CNTNAP4: variants seen among roughly 807,000 people sequenced by gnomAD.
CNTNAP4 encodes the protein contactin associated protein family member 4.
A neutral mutation model predicts 148.4 loss-of-function variants in CNTNAP4; 98 were observed. The observed-to-expected ratio is 0.66, with a 90% CI of 0.56 to 0.78. CNTNAP4 has a LOEUF of 0.78. CNTNAP4 is among the 30% of genes least tolerant of loss of function. CNTNAP4 has a pLI of 0.00. For missense variants in CNTNAP4, 1,935 were observed against 1,565.6 expected, an observed-to-expected ratio of 1.24 and a Z score of -3.98; for synonymous variants, 730 against 565.1, an observed-to-expected ratio of 1.29 and a Z score of -4.14.
At chr16:76,358,259 C>T (rs540427028) in intron 3 of CNTNAP4, among the ~76,000 whole-genome samples, 55 of 152,254 alleles carry the variant, frequency 3.6e-4, no homozygotes, top group African/African-American at 1.3e-3. Context: ...TTACTGGAAC[C>T]TGGGAGGCAG....
chr16:76,423,152 A>G (rs1421663595), intron 3 of CNTNAP4, among the ~76,000 whole-genome samples: 1 of 152,130 alleles, frequency 6.6e-6, no homozygotes, highest in African/African-American at 2.4e-5. Context: ...AGCCTCCAGA[A>G]CTGTGAAAAA....
chr16:76,389,617 C>G (rs138879608), intron 3 of CNTNAP4, among the ~76,000 whole-genome samples: 12 of 152,146 alleles, frequency 7.9e-5, no homozygotes, highest in African/African-American at 2.9e-4. Flanking sequence ...CCAAGCCCAA[C>G]TATTTTTTTT....
At chr16:76,437,216 G>A (rs1057432204) in intron 4 of CNTNAP4, among the ~76,000 whole-genome samples, 1 of 151,986 alleles carries the variant, frequency 6.6e-6, no homozygotes, top group Non-Finnish European at 1.5e-5. Context: ...TTTGCTGGCA[G>A]CTGATTAGTT....
chr16:76,428,857 C>T (rs1019118104), intron 4 of CNTNAP4, among the ~76,000 whole-genome samples: 8 of 152,088 alleles, frequency 5.3e-5, no homozygotes, highest in South Asian at 2.1e-4. Context: ...AAGCAGTTTA[C>T]GATTCCTCAA....
At chr16:76,338,787 T>G (rs1322000508) in intron 2 of CNTNAP4, among the ~76,000 whole-genome samples, 1 of 152,192 alleles carries the variant, frequency 6.6e-6, no homozygotes, top group Non-Finnish European at 1.5e-5. Flanking sequence ...TTACAACCTT[T>G]TGGCTCAGTC....
chr16:76,307,431 TC>T (rs1960589728), intron 1 of CNTNAP4, among the ~76,000 whole-genome samples: 1 of 150,766 alleles, frequency 6.6e-6, no homozygotes, highest in Non-Finnish European at 1.5e-5. Context: ...GAAATATGTT[TC>T]AGCATCTTTG....
chr16:76,440,331 A>C (rs1233071838), intron 4 of CNTNAP4, among the ~76,000 whole-genome samples: 1 of 152,134 alleles, frequency 6.6e-6, no homozygotes, highest in Non-Finnish European at 1.5e-5. Context: ...TTTCTAATTT[A>C]CACATTTTCT....
At chr16:76,424,566 C>G (rs550972544) in intron 3 of CNTNAP4, among the ~76,000 whole-genome samples, 14 of 152,062 alleles carry the variant, frequency 9.2e-5, no homozygotes, top group African/African-American at 3.4e-4. Flanking sequence ...CCAGCCTGGC[C>G]AACATGGTAA....
At chr16:76,427,340 G>A (rs2079444935) in intron 3 of CNTNAP4, 112 bp from the exon 4 acceptor site, 3 of 792,520 alleles carry the variant, frequency 3.8e-6, no homozygotes, top group South Asian at 2.3e-5. Flanking sequence ...ATAGAAGGTA[G>A]CACCATTCAT....
intron 2 of CNTNAP4, among the ~76,000 whole-genome samples, chr16:76,331,697 CAT>C (rs1046893277): frequency 1.9e-4 from 29 of 152,100 alleles, no homozygotes; most frequent in Admixed American, 1.4e-3. Context: ...AACATAGACA[CAT>C]AGTTATAATT....
In CNTNAP4 at chr16:76,558,717, G is replaced by C. The variant is rs753940868; in HGVS notation, c.*34G>C. The C allele has an allele frequency of 3.9e-6, 6 of 1,520,788 alleles. No individual in the cohort carries two copies. The highest frequency in any genetic ancestry group is 1.2e-5 in the South Asian group (1 of 82,980). The allele number at this position is 1,520,788 out of a possible 1,614,324, so 94.2% of individuals were successfully genotyped here. ...TATGATTTAACATAAAATTATGATA[G>C]TTTGTTTTAATAGCCAGGGGTTCTC... On this transcript the variant is annotated 3_prime_UTR_variant, in exon 24 of 24. Transcript: ENST00000611870.
chr16:76,417,739 C>T (rs1335480111), intron 3 of CNTNAP4, among the ~76,000 whole-genome samples: 1 of 151,532 alleles, frequency 6.6e-6, no homozygotes, highest in Non-Finnish European at 1.5e-5. Context: ...ATATAACTTT[C>T]CTTTTGTCTG....
chr16:76,318,763 AATAATAATC>A (rs1460574514), intron 2 of CNTNAP4, among the ~76,000 whole-genome samples: 39 of 136,606 alleles, frequency 2.9e-4, no homozygotes, highest in African/African-American at 8.8e-4. Context: ...TAATATTCAT[AATAATAATC>A]ATAATCATAA....
At chr16:76,338,628 C>T (rs888533655) in intron 2 of CNTNAP4, among the ~76,000 whole-genome samples, 8 of 152,164 alleles carry the variant, frequency 5.3e-5, no homozygotes, top group African/African-American at 1.9e-4. Context: ...TAATCTGCAT[C>T]ACCTGCTGAT....
chr16:76,342,255 G>T (rs1023936521), intron 2 of CNTNAP4, among the ~76,000 whole-genome samples: 2 of 151,944 alleles, frequency 1.3e-5, no homozygotes, highest in African/African-American at 2.4e-5. Context: ...TTACATCCAG[G>T]CTTGCATTTA....
At chr16:76,528,738 G>A (rs943945585) in intron 17 of CNTNAP4, among the ~76,000 whole-genome samples, 1 of 152,146 alleles carries the variant, frequency 6.6e-6, no homozygotes, top group Non-Finnish European at 1.5e-5. Flanking sequence ...TTTACTTTCT[G>A]AGAAAAATCA....
intron 3 of CNTNAP4, among the ~76,000 whole-genome samples, chr16:76,382,260 G>A (rs1289381406): frequency 6.6e-6 from 1 of 151,702 alleles, no homozygotes; most frequent in Non-Finnish European, 1.5e-5. Context: ...AAAGTAAAAT[G>A]GAACAAATAA....
At chr16:76,454,233 G>T (rs1487951391) in intron 8 of CNTNAP4, among the ~76,000 whole-genome samples, 1 of 151,256 alleles carries the variant, frequency 6.6e-6, no homozygotes, top group Non-Finnish European at 1.5e-5. Context: ...TCCTGCCTCA[G>T]CCTCCCAAGT....
chr16:76,329,587 A>G (rs911448834), intron 2 of CNTNAP4, among the ~76,000 whole-genome samples: 9 of 152,220 alleles, frequency 5.9e-5, no homozygotes, highest in African/African-American at 2.2e-4. Flanking sequence ...AAGACATTTT[A>G]TCAAAGATTT....
Sources: gnomAD v4.1 joint callset for allele counts (sites outside exome capture counted in the v4.1 genomes callset) on GRCh38, gnomAD v4.1.1 for gene constraint, MANE v1.5 for transcripts, NCBI Gene and HGNC (gene_info 2026-07-23, HGNC 2026-07-21) for gene names.